ADNP2: variants seen among roughly 807,000 people sequenced by gnomAD.
ADNP2 encodes ADNP homeobox 2.
In ADNP2, 8 loss-of-function variants were observed where a neutral mutation model predicts 16.4. That is an observed-to-expected ratio of 0.49 (90% CI 0.29 to 0.88). ADNP2 has a LOEUF of 0.88. Among genes scored for constraint, ADNP2 ranks in the 40% least tolerant of loss-of-function variants. The probability of loss-of-function intolerance (pLI) is 0.09; values close to 1 mark genes in which losing one functional copy is unlikely to be tolerated. For synonymous variants in ADNP2, 637 were observed against 545.8 expected (o/e 1.17, Z -2.33); for missense variants, 1,397 against 1,395.1 (o/e 1.00, Z -0.02).
At chr18:80,116,748 A>G (rs895450589) in intron 1 of ADNP2, among the ~76,000 whole-genome samples, 16 of 151,994 alleles carry the variant, frequency 1.1e-4, no homozygotes, top group African/African-American at 3.4e-4. Context: ...TGATCCCCTC[A>G]CCTCAGCCTC....
At chr18:80,123,159 G>A (rs529838675) in intron 2 of ADNP2, among the ~76,000 whole-genome samples, 1 of 152,076 alleles carries the variant, frequency 6.6e-6, no homozygotes, top group South Asian at 2.1e-4. Flanking sequence ...TTGCATTCTT[G>A]GGATGGAATG....
chr18:80,136,642 T>C lies in ADNP2; in HGVS notation c.1229T>C (p.Ile410Thr), dbSNP rs1344878261. The change falls in exon 4 of 4, where the codon ATA (isoleucine) becomes ACA (threonine). Residue 410 changes from isoleucine (I) to threonine (T), a missense_variant. By Grantham distance (89) the Ile-to-Thr change is moderately conservative. This residue lies in a region of ADNP2 where 777 missense variants were observed against 719.4 expected (regional missense o/e 1.08). Transcript: ENST00000262198. ...CCCCTCACCCAGCCTGTGGGACCCA[T>C]AAACAGACCTGTTGGGCCTGGTGTT... is the stretch of plus-strand genomic sequence containing the variant. The part of the protein sequence containing the change: ...VLPLTQPVGP[I>T]NRPVGPGVLP... 6.2e-7 allele frequency: 1 copy of C among 1,614,060 alleles called. No individual in the cohort carries two copies. Among genetic ancestry groups the C allele is most frequent in the Non-Finnish European group, 8.5e-7 (1 of 1,179,950 alleles).
At position 80,139,084 on chromosome 18, in the gene ADNP2, C is replaced by T. The variant is rs556057059; in HGVS notation, c.*275C>T. ...ATGAAATCTTTTGATATTTCATGCA[C>T]GCCTTGTTTTCCCACTAGTGTCAGT... On this transcript the variant is annotated 3_prime_UTR_variant, in exon 4 of 4. Transcript: ENST00000262198. The T allele has an allele frequency of 6.9e-5, 21 of 303,542 alleles. No homozygotes were observed. Among genetic ancestry groups the T allele is most frequent in the Admixed American group, 2.9e-4 (6 of 20,414 alleles). The allele number at this position is 303,542 out of a possible 1,614,324, so 18.8% of individuals were successfully genotyped here.
Position 80,135,679 on chromosome 18 carries a change from A to G in ADNP2, c.266A>G (p.Lys89Arg). 1 of 1,614,250 alleles carries G rather than the reference A, an allele frequency of 6.2e-7. No individual in the cohort carries two copies. The highest frequency in any genetic ancestry group is 8.5e-7 in the Non-Finnish European group (1 of 1,180,046). ...KYSTKVLTSF[K>R]NHLHRYHEDE... ...TCTACAAAGGTGCTTACTTCATTCA[A>G]GAATCATTTACATCGTTACCATGAA... Residue 89 changes from lysine to arginine, a missense_variant, in exon 4 of 4, where the codon AAG becomes AGG. Lys to Arg is a conservative substitution (Grantham distance 26). Around this residue, in one of 3 missense-constraint regions of ADNP2, gnomAD observed 777 missense variants for 719.4 expected, o/e 1.08. Coordinates refer to ENST00000262198, the MANE Select transcript of ADNP2 (RefSeq NM_014913.4).
At chr18:80,123,188 G>A (rs567081263) in intron 2 of ADNP2, among the ~76,000 whole-genome samples, 3 of 152,232 alleles carry the variant, frequency 2.0e-5, no homozygotes, top group South Asian at 2.1e-4. Context: ...TGGTCGTGGT[G>A]TATAATTGTT....
At chr18:80,116,135 C>T (rs1403592227) in intron 1 of ADNP2, among the ~76,000 whole-genome samples, 1 of 152,164 alleles carries the variant, frequency 6.6e-6, no homozygotes, top group East Asian at 1.9e-4. Context: ...AATATGTGGT[C>T]CTTGTGTCTG....
chr18:80,138,378 G>C lies in ADNP2; in HGVS notation c.2965G>C (p.Asp989His), dbSNP rs776506296. Residue 989 changes from aspartate (D) to histidine (H), a missense_variant, in exon 4 of 4, where the codon GAC (aspartate) becomes CAC (histidine). By Grantham distance (81) the Asp-to-His change is moderately conservative. Coordinates refer to ENST00000262198, the MANE Select transcript of ADNP2 (RefSeq NM_014913.4). ...GCCTGACGGCCACTTAGGGGCCGAA[G>C]ACCAGCGGCATGGGGAGGAGCAGCC... ...KLPDGHLGAEDQRHGEEQPPI... is the reference protein window; with the variant it reads ...KLPDGHLGAEHQRHGEEQPPI... 1.9e-5 allele frequency: 31 copies of C among 1,613,962 alleles called. No homozygotes were observed. Among genetic ancestry groups the C allele is most frequent in the Non-Finnish European group, 2.6e-5 (31 of 1,180,036 alleles).
chr18:80,138,816 CAAA>C lies in ADNP2; in HGVS notation c.*19_*21del, dbSNP rs11411000. On this transcript the variant is annotated 3_prime_UTR_variant, in exon 4 of 4. Transcript: ENST00000262198. Reference sequence around the variant, plus strand: ...CTTTGAATATGAACCATAAAACTTGCAAAAAAAAAAAAAAGTAACTCTAAAGTA... The same window carrying C: ...CTTTGAATATGAACCATAAAACTTGCAAAAAAAAAAAGTAACTCTAAAGTA... 36 of 1,227,704 alleles carry C rather than the reference CAAA, an allele frequency of 2.9e-5. No homozygotes were observed. Among genetic ancestry groups the C allele is most frequent in the Admixed American group, 1.0e-4 (3 of 29,858 alleles). The allele number at this position is 1,227,704 out of a possible 1,614,324, so 76.1% of individuals were successfully genotyped here. A position where few individuals can be genotyped will look rare whatever the true frequency, so the allele number is the denominator to read the frequency against.
At chr18:80,112,425 C>T (rs1376291413) in intron 1 of ADNP2, among the ~76,000 whole-genome samples, 3 of 150,162 alleles carry the variant, frequency 2.0e-5, no homozygotes, top group Non-Finnish European at 4.4e-5. Context: ...AGTTAGGAAA[C>T]TGCTAAACAA....
In ADNP2 at chr18:80,117,739, A is replaced by G. The variant is rs1401154644; in HGVS notation, c.108+89A>G. ...GTGGGTAAGATTCCTCAAAATGGAA[A>G]TTGCTGTTATACTTCAGATGGCTGT... On this transcript the variant is annotated intron_variant, in intron 2 of 3. Coordinates refer to ENST00000262198, the MANE Select transcript of ADNP2 (RefSeq NM_014913.4). The G allele has an allele frequency of 6.3e-6, 6 of 947,824 alleles. No individual in the cohort carries two copies. In the East Asian group the frequency reaches 1.1e-4, roughly 17 times the overall value. 58.7% of individuals were successfully genotyped at this position (947,824 alleles called of 1,614,324 possible). A position where few individuals can be genotyped will look rare whatever the true frequency, so the allele number is the denominator to read the frequency against.
In ADNP2 at chr18:80,138,375, G is replaced by C; in HGVS notation, c.2962G>C (p.Glu988Gln). 6.2e-7 allele frequency: 1 copy of C among 1,614,072 alleles called. No individual in the cohort carries two copies. The highest frequency in any genetic ancestry group is 8.5e-7 in the Non-Finnish European group (1 of 1,180,018). The change falls in exon 4 of 4, where the codon GAA becomes CAA. Residue 988 changes from glutamate (E) to glutamine (Q), a missense_variant. This residue lies in a region of ADNP2 where 611 missense variants were observed against 648.7 expected (regional missense o/e 0.94). Coordinates refer to ENST00000262198, the MANE Select transcript of ADNP2 (RefSeq NM_014913.4). ...RKLPDGHLGAEDQRHGEEQPP... is the reference protein window; with the variant it reads ...RKLPDGHLGAQDQRHGEEQPP... ...GCTGCCTGACGGCCACTTAGGGGCC[G>C]AAGACCAGCGGCATGGGGAGGAGCA...
rs904846581 is a variant in ADNP2 at position 80,137,969 on chromosome 18, G to A, written c.2556G>A (p.Leu852=). The A allele has an allele frequency of 1.2e-6, 2 of 1,613,182 alleles. No homozygotes were observed. Among genetic ancestry groups the A allele is most frequent in the Non-Finnish European group, 1.7e-6 (2 of 1,180,032 alleles). ...AILAGIHSKS[L]VPVYVKVRPQ... ...TGGCTGGGATACACTCCAAGTCACTGGTGCCTGTGTATGTGAAGGTGAGGC... is the reference window on the plus strand; with the variant it reads ...TGGCTGGGATACACTCCAAGTCACTAGTGCCTGTGTATGTGAAGGTGAGGC... Residue 852 remains leucine (L), a synonymous_variant, in exon 4 of 4, where the codon CTG becomes CTA. Transcript: ENST00000262198. This position sits in a 1 kb window ranked among gnomAD's most constrained non-coding sequence, Gnocchi z 4.2.
intron 1 of ADNP2, among the ~76,000 whole-genome samples, chr18:80,111,887 A>ATCC (rs1477487648): frequency 6.6e-6 from 1 of 152,030 alleles, no homozygotes; most frequent in Non-Finnish European, 1.5e-5. Flanking sequence ...ATAATAGAAT[A>ATCC]TCCTTACGAG....
At position 80,137,818 on chromosome 18, in the gene ADNP2, A is replaced by G; in HGVS notation, c.2405A>G (p.Asp802Gly). 11 of 1,614,130 alleles carry G rather than the reference A, an allele frequency of 6.8e-6. No individual in the cohort carries two copies. The highest frequency in any genetic ancestry group is 9.3e-6 in the Non-Finnish European group (11 of 1,180,030). The stretch of plus-strand genomic sequence containing the variant: ...CTGGGGAAGAAGAAGTTGCCTATGG[A>G]TTATAGCAACAGAGGTTTTCAATTA... ...RHLGKKKLPM[D>G]YSNRGFQLDV... is the part of the protein sequence containing the mutation. Residue 802 changes from aspartate (D) to glycine (G), a missense_variant, in exon 4 of 4, where the codon GAT becomes GGT. Transcript: ENST00000262198. The surrounding 1 kb of genome is among the most constrained non-coding windows in gnomAD (Gnocchi z 4.2).
intron 1 of ADNP2, chr18:80,109,831 G>C (rs1212937091): frequency 2.0e-5 from 3 of 152,848 alleles, no homozygotes; most frequent in African/African-American, 7.2e-5. Context: ...GAGAGAGGGG[G>C]GCTGGTGAAG....
At chr18:80,132,742 C>T (rs1488136333) in intron 2 of ADNP2, among the ~76,000 whole-genome samples, 3 of 146,592 alleles carry the variant, frequency 2.0e-5, no homozygotes, top group African/African-American at 7.6e-5. Context: ...TCTCTTTCTT[C>T]TTTTCTTTTT....
At chr18:80,133,480 G>A (rs951564476) in intron 3 of ADNP2, among the ~76,000 whole-genome samples, 2 of 152,182 alleles carry the variant, frequency 1.3e-5, no homozygotes, top group African/African-American at 2.4e-5. Context: ...TTTAATAATT[G>A]TTCTGAGTAA....
chr18:80,130,647 C>T (rs962015839), intron 2 of ADNP2, among the ~76,000 whole-genome samples: 4 of 152,182 alleles, frequency 2.6e-5, no homozygotes, highest in Non-Finnish European at 5.9e-5. Flanking sequence ...TTAAAACCCT[C>T]TGCCGCCCTG....
chr18:80,118,364 G>C (rs746063835), intron 2 of ADNP2, among the ~76,000 whole-genome samples: 15 of 151,966 alleles, frequency 9.9e-5, no homozygotes, highest in Non-Finnish European at 2.2e-4. Flanking sequence ...GGTGGCAGAA[G>C]TTGCAGTGAG....
Sources: allele counts gnomAD v4.1 joint callset (sites outside exome capture counted in the v4.1 genomes callset), GRCh38; gene constraint gnomAD v4.1.1; regional missense constraint gnomAD v4.1.1; non-coding constraint Gnocchi (gnomAD v3.1); transcripts MANE v1.5; gene names NCBI Gene and HGNC (gene_info 2026-07-23, HGNC 2026-07-21).